Variants in GALNT1 observed in about 807,000 individuals in gnomAD.
The protein encoded by GALNT1 is GalNAc transferase 1.
Under a neutral mutation model 65.7 loss-of-function variants are expected in GALNT1, and 17 were observed. The observed-to-expected ratio is 0.26, with a 90% CI of 0.18 to 0.39. The LOEUF (loss-of-function observed/expected upper bound fraction) is 0.39. Ranked by LOEUF, GALNT1 falls within the 10% of genes least tolerant of loss-of-function variation. The pLI is 1.00. For synonymous variants in GALNT1, 210 were observed against 219.7 expected (o/e 0.96, Z 0.39); for missense variants, 460 against 672.8 (o/e 0.68, Z 3.50).
chr18:35,626,853 G>T (rs147364656), intron 1 of GALNT1, among the ~76,000 whole-genome samples: 11 of 152,340 alleles, frequency 7.2e-5, no homozygotes, highest in African/African-American at 2.6e-4. Context: ...GTTGAAAAGT[G>T]TAGTTTCTCC....
At position 35,671,327 on chromosome 18, in the gene GALNT1, C is replaced by G. The variant is rs552050957; in HGVS notation, c.315-6264C>G. 3.9e-5 allele frequency among the ~76,000 whole-genome samples: 6 copies of G among 152,262 alleles called. No homozygotes were observed. In the East Asian group the frequency reaches 1.2e-3, roughly 29 times the overall value. On this transcript the variant is annotated intron_variant, in intron 3 of 11. Coordinates refer to ENST00000269195, the MANE Select transcript of GALNT1 (RefSeq NM_020474.4). Reference sequence around the variant, plus strand: ...AACCTCCTGGGCTCAAACAATCATCCGACCTCAGCCTCCCGAGTAACAAGG... The same window carrying G: ...AACCTCCTGGGCTCAAACAATCATCGGACCTCAGCCTCCCGAGTAACAAGG...
intron 9 of GALNT1, among the ~76,000 whole-genome samples, chr18:35,698,147 C>T (rs1462585974): frequency 6.6e-6 from 1 of 152,202 alleles, no homozygotes; most frequent in Non-Finnish European, 1.5e-5. Flanking sequence ...TAGACCTGCA[C>T]ATCTGACGTG....
intron 4 of GALNT1, among the ~76,000 whole-genome samples, chr18:35,679,121 A>G (rs1003886233): frequency 4.6e-5 from 7 of 152,330 alleles, no homozygotes; most frequent in Non-Finnish European, 8.8e-5. Flanking sequence ...TGTTGACAAC[A>G]GAAGTATAAA....
intron 1 of GALNT1, among the ~76,000 whole-genome samples, chr18:35,626,730 T>G (rs1338678713): frequency 6.6e-6 from 1 of 152,198 alleles, no homozygotes; most frequent in East Asian, 1.9e-4. Context: ...TTCAATTTGT[T>G]ATCCTCAGCA....
intron 5 of GALNT1, 37 bp downstream of exon 5, chr18:35,683,635 A>G: frequency 6.4e-7 from 1 of 1,560,278 alleles, no homozygotes; most frequent in Non-Finnish European, 8.8e-7. Flanking sequence ...CTTTTAGTAC[A>G]TTTGTCCTAA....
At chr18:35,601,915 T>C (rs1490051437) in intron 1 of GALNT1, among the ~76,000 whole-genome samples, 1 of 152,204 alleles carries the variant, frequency 6.6e-6, no homozygotes, top group African/African-American at 2.4e-5. Flanking sequence ...GATTACACAT[T>C]GCAATTACAG....
At chr18:35,686,937 C>A in intron 5 of GALNT1, 79 bp from the exon 6 acceptor site, 1 of 1,335,320 alleles carries the variant, frequency 7.5e-7, no homozygotes, top group Non-Finnish European at 1.0e-6. Flanking sequence ...AATAAAAACA[C>A]TTACTATACA....
chr18:35,695,912 T>C (rs900838687), intron 9 of GALNT1, among the ~76,000 whole-genome samples: 2 of 152,168 alleles, frequency 1.3e-5, no homozygotes, highest in Non-Finnish European at 2.9e-5. Flanking sequence ...TGTTTTGTTT[T>C]TTTTGAGCTG....
intron 3 of GALNT1, 196 bp downstream of exon 3, chr18:35,663,998 T>G (rs1292605651): frequency 1.9e-6 from 1 of 519,892 alleles, no homozygotes; most frequent in African/African-American, 2.0e-5. Context: ...ACTATGTATT[T>G]CAGGCATTGG....
At chr18:35,630,310 A>T (rs1377215200) in intron 1 of GALNT1, among the ~76,000 whole-genome samples, 1 of 152,174 alleles carries the variant, frequency 6.6e-6, no homozygotes, top group Non-Finnish European at 1.5e-5. Flanking sequence ...GAAGTAAAGC[A>T]CTCCTCAGCA....
chr18:35,683,582 A>G lies in GALNT1; in HGVS notation c.673A>G (p.Arg225Gly), dbSNP rs758603020. The change falls in exon 5 of 12, where the codon AGG (arginine) becomes GGG (glycine). Residue 225 changes from arginine to glycine, a missense_variant. Coordinates refer to ENST00000269195, the MANE Select transcript of GALNT1 (RefSeq NM_020474.4). ...TVGWLEPLLA[R>G]IKHDRRTVVC... ...GGGATGGCTGGAGCCTCTCTTGGCC[A>G]GGATCAAACATGACAGGTAATTTTC... The G allele has an allele frequency of 1.2e-6, 2 of 1,613,498 alleles. No homozygotes were observed. The highest frequency in any genetic ancestry group is 1.7e-5 in the Admixed American group (1 of 59,960).
chr18:35,619,328 C>T (rs567499848), intron 1 of GALNT1, among the ~76,000 whole-genome samples: 16 of 152,050 alleles, frequency 1.1e-4, no homozygotes, highest in Non-Finnish European at 2.2e-4. Flanking sequence ...CTCAAAAGGT[C>T]GCTTAAGTTA....
intron 1 of GALNT1, among the ~76,000 whole-genome samples, chr18:35,590,786 C>T (rs2046434094): frequency 6.6e-6 from 1 of 152,118 alleles, no homozygotes; most frequent in Admixed American, 6.5e-5. Flanking sequence ...GTGGCAGGGA[C>T]TGTAAAAAAA....
At chr18:35,618,629 G>A (rs2046814120) in intron 1 of GALNT1, among the ~76,000 whole-genome samples, 1 of 151,846 alleles carries the variant, frequency 6.6e-6, no homozygotes, top group African/African-American at 2.4e-5. Flanking sequence ...TTATTGATGT[G>A]AATTAAATAG....
chr18:35,709,931 C>G lies in GALNT1; in HGVS notation c.*161C>G, dbSNP rs773178470. On this transcript the variant is annotated 3_prime_UTR_variant, in exon 12 of 12. Coordinates refer to ENST00000269195, the MANE Select transcript of GALNT1 (RefSeq NM_020474.4). Reference sequence around the variant, plus strand: ...AAACTTAGACTTCTCTAGCTTTTCACTAGCTGTGAACCAGCCTTCCTGTCC... The same window carrying G: ...AAACTTAGACTTCTCTAGCTTTTCAGTAGCTGTGAACCAGCCTTCCTGTCC... 1.3e-6 allele frequency: 1 copy of G among 775,008 alleles called. No individual in the cohort carries two copies. Among genetic ancestry groups the G allele is most frequent in the Non-Finnish European group, 2.0e-6 (1 of 497,740 alleles). The allele number at this position is 775,008 out of a possible 1,614,324, so 48.0% of individuals were successfully genotyped here.
In GALNT1 at chr18:35,709,523, C is replaced by CA. The variant is rs112143274; in HGVS notation, c.1534-93dup. ...TTGTCTTTTAAATAATGTATATTAC[C>CA]AAAAAAAACACCTTTTCTGCAGAGG... On this transcript the variant is annotated intron_variant, in intron 11 of 11. Transcript: ENST00000269195. 4.3e-3 allele frequency: 5,209 copies of CA among 1,212,408 alleles called. 138 individuals are homozygous for CA. In the African/African-American group the frequency reaches 0.061, roughly 14 times the overall value. The allele number at this position is 1,212,408 out of a possible 1,614,324, so 75.1% of individuals were successfully genotyped here.
intron 1 of GALNT1, among the ~76,000 whole-genome samples, chr18:35,587,600 A>C (rs1218333748): frequency 6.6e-6 from 1 of 152,136 alleles, no homozygotes; most frequent in African/African-American, 2.4e-5. Flanking sequence ...AGTTGATCTG[A>C]TCATGTGATT....
chr18:35,692,350 T>C (rs766156646), intron 9 of GALNT1, 30 bp downstream of exon 9: 1 of 1,332,734 alleles, frequency 7.5e-7, no homozygotes, highest in East Asian at 2.6e-5. Flanking sequence ...ATATTCTATG[T>C]GGTTATTATG....
chr18:35,582,667 A>G (rs920914204), intron 1 of GALNT1, among the ~76,000 whole-genome samples: 3 of 152,226 alleles, frequency 2.0e-5, no homozygotes, highest in African/African-American at 7.2e-5. Flanking sequence ...CACTTTGATC[A>G]TATCTTATGT....
Sources: allele counts gnomAD v4.1 joint callset (sites outside exome capture counted in the v4.1 genomes callset), GRCh38; gene constraint gnomAD v4.1.1; transcripts MANE v1.5; gene names NCBI Gene and HGNC (gene_info 2026-07-23, HGNC 2026-07-21).